Variants in MGAT4C observed in about 807,000 individuals in gnomAD.
MGAT4C encodes alpha-1,3-mannosyl-glycoprotein 4-beta-N-acetylglucosaminyltransferase C.
MGAT4C carries 19 observed loss-of-function variants against 40.1 expected under a neutral mutation model. The observed-to-expected ratio is 0.47, with a 90% CI of 0.33 to 0.70. MGAT4C has a LOEUF of 0.70. Ranked by LOEUF, MGAT4C falls within the 30% of genes least tolerant of loss-of-function variation. MGAT4C has a pLI of 0.02. For synonymous variants in MGAT4C, 181 were observed against 187.1 expected, an observed-to-expected ratio of 0.97 and a Z score of 0.27; for missense variants, 491 against 563.2, an observed-to-expected ratio of 0.87 and a Z score of 1.30.
At chr12:86,082,042 C>T in intron 1 of MGAT4C, among the ~76,000 whole-genome samples, 1 of 152,178 alleles carries the variant, frequency 6.6e-6, no homozygotes, top group South Asian at 2.1e-4. Context: ...TAGCAGAATC[C>T]TTGGCAGGCA....
intron 1 of MGAT4C, among the ~76,000 whole-genome samples, chr12:86,059,470 C>T (rs1267604705): frequency 1.3e-5 from 2 of 152,238 alleles, no homozygotes; most frequent in Admixed American, 1.3e-4. Flanking sequence ...TCTGCAGGAG[C>T]TGGGCTCAGA....
chr12:86,508,172 A>G (rs1958505365), intron 2 of MGAT4C, among the ~76,000 whole-genome samples: 1 of 152,208 alleles, frequency 6.6e-6, no homozygotes, highest in South Asian at 2.1e-4. Context: ...CTCGTCATCT[A>G]GCATTAGGTA....
intron 1 of MGAT4C, among the ~76,000 whole-genome samples, chr12:86,207,284 T>A (rs906123086): frequency 1.1e-4 from 16 of 152,144 alleles, no homozygotes; most frequent in Admixed American, 1.3e-4. Context: ...TTCTTTTTTT[T>A]AAATTTTACT....
intron 1 of MGAT4C, among the ~76,000 whole-genome samples, chr12:86,073,150 T>C (rs1287046813): frequency 6.6e-6 from 1 of 152,112 alleles, no homozygotes; most frequent in Non-Finnish European, 1.5e-5. Flanking sequence ...ATAAGTCTCA[T>C]GAGATATGAT....
chr12:86,633,859 G>A (rs992273629), intron 2 of MGAT4C, among the ~76,000 whole-genome samples: 3 of 151,924 alleles, frequency 2.0e-5, no homozygotes, highest in African/African-American at 7.2e-5. Flanking sequence ...AGATCATTAA[G>A]TTGCCTCCTC....
intron 2 of MGAT4C, among the ~76,000 whole-genome samples, chr12:86,472,949 A>C (rs1217058636): frequency 6.6e-6 from 1 of 151,982 alleles, no homozygotes; most frequent in Non-Finnish European, 1.5e-5. Flanking sequence ...CTAGATATTT[A>C]TTTATTTACG....
rs141490192 is a variant in MGAT4C, at chr12:86,830,029, G to A, written c.-262+8637C>T. Reference sequence around the variant, plus strand: ...GGTTTGTTACTGAATTTTACCTCATGAACATATAGGGTAAAATTCCTGTGT... The same window carrying A: ...GGTTTGTTACTGAATTTTACCTCATAAACATATAGGGTAAAATTCCTGTGT... On this transcript the variant is annotated intron_variant, in intron 1 of 7. Transcript: ENST00000548651. Among the ~76,000 whole-genome samples, 592 of 151,418 alleles carry A rather than the reference G, an allele frequency of 3.9e-3. 2 individuals carry two copies. The highest frequency in any genetic ancestry group is 0.014 in the African/African-American group (579 of 41,352).
intron 1 of MGAT4C, among the ~76,000 whole-genome samples, chr12:86,209,985 A>G (rs1950397805): frequency 6.6e-6 from 1 of 152,186 alleles, no homozygotes; most frequent in Non-Finnish European, 1.5e-5. Context: ...TAATAATTAT[A>G]CAGATTATGT....
At chr12:86,752,494 A>G (rs1293926512) in intron 1 of MGAT4C, among the ~76,000 whole-genome samples, 1 of 152,066 alleles carries the variant, frequency 6.6e-6, no homozygotes, top group Non-Finnish European at 1.5e-5. Context: ...GATTTTCATA[A>G]TAGTTCTAGA....
intron 4 of MGAT4C, among the ~76,000 whole-genome samples, chr12:86,266,217 G>A (rs1952783929): frequency 6.6e-6 from 1 of 152,152 alleles, no homozygotes; most frequent in Admixed American, 6.5e-5. Flanking sequence ...TCTTGCTCCA[G>A]TTCTTAGGGG....
In MGAT4C at chr12:86,128,153, T is replaced by G. The variant is rs1293067938; in HGVS notation, c.-56-78430A>C. Among the ~76,000 whole-genome samples, 4 of 152,192 alleles carry G rather than the reference T, an allele frequency of 2.6e-5. No individual in the cohort carries two copies. The East Asian group carries it at 5.8e-4, about 22-fold the overall frequency. ...GTCGTTCTGACAGCTAAGACTTCATTAGGCGACAGGAATTTCTGAGTTCCA... is the reference window on the plus strand; with the variant it reads ...GTCGTTCTGACAGCTAAGACTTCATGAGGCGACAGGAATTTCTGAGTTCCA... On this transcript the variant is annotated intron_variant, in intron 1 of 4. Transcript: ENST00000611864.
chr12:86,536,136 T>C (rs911840132), intron 2 of MGAT4C, among the ~76,000 whole-genome samples: 3 of 152,110 alleles, frequency 2.0e-5, no homozygotes, highest in African/African-American at 7.2e-5. Flanking sequence ...TATGGCAGCA[T>C]ACACCTCCAG....
intron 2 of MGAT4C, among the ~76,000 whole-genome samples, chr12:86,571,016 T>C (rs1222839079): frequency 1.3e-5 from 2 of 152,064 alleles, no homozygotes; most frequent in Admixed American, 6.6e-5. Context: ...GGTTTCCCCA[T>C]ATTGCCCAGG....
At chr12:86,787,892 G>A (rs1467644739) in intron 1 of MGAT4C, among the ~76,000 whole-genome samples, 9 of 152,062 alleles carry the variant, frequency 5.9e-5, no homozygotes. Flanking sequence ...AGTAAAGAGA[G>A]AGGAATACCT....
At chr12:86,588,493 A>G (rs531796655) in intron 2 of MGAT4C, among the ~76,000 whole-genome samples, 35 of 152,044 alleles carry the variant, frequency 2.3e-4, no homozygotes, top group Non-Finnish European at 4.9e-4. Flanking sequence ...AGACAGATCA[A>G]CAAGACAGAA....
Position 86,514,311 on chromosome 12 carries a change from G to A in MGAT4C, c.-228-79046C>T, listed in dbSNP as rs78998042. On this transcript the variant is annotated intron_variant, in intron 2 of 7. Transcript: ENST00000548651. ...ACAACAACAAACCTTGCCAGAGGGG[G>A]ATCTGTATCATTTTTCTACTGCTTT... Among the ~76,000 whole-genome samples, 158 of 152,138 alleles carry A rather than the reference G, an allele frequency of 1.0e-3. No individual in the cohort carries two copies. In the South Asian group the frequency reaches 0.016, roughly 15 times the overall value.
chr12:85,968,811 T>C lies in MGAT4C; in HGVS notation c.*10478A>G, dbSNP rs1470510814. ...TGAAATTCTTCCCCAGAGATGTTAA[T>C]GAACAGCCAGACTTAAAAACTAGTA... On this transcript the variant is annotated 3_prime_UTR_variant, in exon 5 of 5. Transcript: ENST00000611864. 2 of 151,852 alleles carry C rather than the reference T, an allele frequency of 1.3e-5. No individual in the cohort carries two copies. Among genetic ancestry groups the C allele is most frequent in the African/African-American group, 2.4e-5 (1 of 41,418 alleles). 9.4% of individuals were successfully genotyped at this position (151,852 alleles called of 1,614,324 possible).
intron 3 of MGAT4C, among the ~76,000 whole-genome samples, chr12:86,349,735 T>C (rs1351466383): frequency 1.3e-5 from 2 of 152,076 alleles, no homozygotes. Context: ...CATTACTCAG[T>C]TTTGTTTTGT....
At chr12:86,407,096 G>A (rs1189445022) in intron 3 of MGAT4C, among the ~76,000 whole-genome samples, 1 of 152,000 alleles carries the variant, frequency 6.6e-6, no homozygotes, top group Non-Finnish European at 1.5e-5. Flanking sequence ...CAGAACTCAG[G>A]GACACATTTA....
Sources: allele counts gnomAD v4.1 joint callset (sites outside exome capture counted in the v4.1 genomes callset), GRCh38; gene constraint gnomAD v4.1.1; transcripts MANE v1.5; gene names NCBI Gene and HGNC (gene_info 2026-07-23, HGNC 2026-07-21).